Variants in SCEL observed in about 807,000 individuals in gnomAD.
SCEL encodes sciellin.
In SCEL, 113 loss-of-function variants were observed where a neutral mutation model predicts 117.6. That is an observed-to-expected ratio of 0.96 (90% CI 0.83 to 1.12). The LOEUF is 1.12. Among genes scored for constraint, SCEL ranks in the 50% most tolerant of loss-of-function variants. The pLI, the probability that SCEL is intolerant of heterozygous loss-of-function variation, is 0.00. For missense variants in SCEL, 785 were observed against 810.8 expected (o/e 0.97, Z 0.39); for synonymous variants, 270 against 256.2 (o/e 1.05, Z -0.51).
At chr13:77,643,127 C>T (rs758893054) in intron 32 of SCEL, among the ~76,000 whole-genome samples, 68 of 151,976 alleles carry the variant, frequency 4.5e-4, no homozygotes, top group Non-Finnish European at 9.4e-4. Context: ...AGTCCATATT[C>T]GTAAATGACA....
chr13:77,599,221 C>G, intron 13 of SCEL, 108 bp from the exon 14 acceptor site: 2 of 741,814 alleles, frequency 2.7e-6, no homozygotes, highest in Non-Finnish European at 4.4e-6. Flanking sequence ...TCATCTTCCC[C>G]AACAAGCTTC....
chr13:77,554,952 G>A (rs1487236219), intron 1 of SCEL, among the ~76,000 whole-genome samples: 1 of 152,106 alleles, frequency 6.6e-6, no homozygotes, highest in African/African-American at 2.4e-5. Context: ...AAGACCCAGA[G>A]CTAACTAAGG....
At chr13:77,607,976 T>G in intron 19 of SCEL, 80 bp from the exon 20 acceptor site, 47 of 1,130,904 alleles carry the variant, frequency 4.2e-5, no homozygotes, top group Non-Finnish European at 5.3e-5. Flanking sequence ...TGAGTTTTAA[T>G]GAAATAGCTT....
At chr13:77,610,772 A>G (rs777976969) in intron 22 of SCEL, among the ~76,000 whole-genome samples, 7 of 152,186 alleles carry the variant, frequency 4.6e-5, no homozygotes, top group Non-Finnish European at 1.0e-4. Flanking sequence ...TTCTTCCATC[A>G]TGTATTACCT....
At chr13:77,640,622 C>T (rs1241898662) in intron 30 of SCEL, 54 bp from the exon 31 acceptor site, 2 of 828,144 alleles carry the variant, frequency 2.4e-6, no homozygotes, top group Non-Finnish European at 3.8e-6. Flanking sequence ...ATAGGGAATA[C>T]ATCTGTCTTC....
Position 77,644,534 on chromosome 13 carries a change from T to C in SCEL, c.*260T>C, listed in dbSNP as rs559599101. On this transcript the variant is annotated 3_prime_UTR_variant, in exon 33 of 33. Transcript: ENST00000349847. ...ATTCCAGTGTCAAAGGAGTGATGCA[T>C]TACACTCCAGCCAGGTCCATCCCTG... 9 of 410,906 alleles carry C rather than the reference T, an allele frequency of 2.2e-5. No individual in the cohort carries two copies. The highest frequency in any genetic ancestry group is 1.8e-4 in the African/African-American group (9 of 49,472). The allele number at this position is 410,906 out of a possible 1,614,324, so 25.5% of individuals were successfully genotyped here.
chr13:77,604,524 C>A (rs1177454677), intron 19 of SCEL, 109 bp downstream of exon 19: 2 of 802,100 alleles, frequency 2.5e-6, no homozygotes, highest in Non-Finnish European at 1.9e-6. Context: ...CCAAAACAAA[C>A]TGAGCTCTTT....
intron 19 of SCEL, among the ~76,000 whole-genome samples, chr13:77,606,737 C>G (rs1195931840): frequency 6.6e-6 from 1 of 152,132 alleles, no homozygotes; most frequent in Non-Finnish European, 1.5e-5. Flanking sequence ...GAATCAGCAT[C>G]TAGTTGCTTC....
chr13:77,561,933 T>C (rs963063361), intron 4 of SCEL, among the ~76,000 whole-genome samples: 2 of 152,170 alleles, frequency 1.3e-5, no homozygotes, highest in Admixed American at 1.3e-4. Flanking sequence ...AGAGCTGGCA[T>C]GAGTGGGGTC....
intron 9 of SCEL, among the ~76,000 whole-genome samples, chr13:77,585,523 T>C (rs9565357): frequency 0.93 from 142,012 of 152,166 alleles, 66,325 homozygotes; most frequent in South Asian, 0.96. Context: ...GCCAAGCATG[T>C]GCGCGCTCTT....
Position 77,593,535 on chromosome 13 carries a change from C to T in SCEL, c.714C>T (p.Ile238=), listed in dbSNP as rs2087042258. 1.7e-5 allele frequency: 27 copies of T among 1,612,796 alleles called. No homozygotes were observed. Among genetic ancestry groups the T allele is most frequent in the Non-Finnish European group, 2.2e-5 (26 of 1,179,160 alleles). ...GAAGGAGTCAGGATCTTGATAACAT[C>T]GTCAAAGTGGCCACTTCACTTCAGA... is the stretch of plus-strand genomic sequence containing the variant. ...RNIRSQDLDN[I]VKVATSLQRS... The change falls in exon 12 of 33, where the codon ATC becomes ATT. Residue 238 remains isoleucine (I), a synonymous_variant. Transcript: ENST00000349847.
At chr13:77,587,746 C>T (rs1047831569) in intron 9 of SCEL, among the ~76,000 whole-genome samples, 1 of 152,150 alleles carries the variant, frequency 6.6e-6, no homozygotes, top group Non-Finnish European at 1.5e-5. Flanking sequence ...TTCTTGGCCA[C>T]TCCTCCTGAT....
At chr13:77,632,202 C>A (rs958931740) in intron 28 of SCEL, among the ~76,000 whole-genome samples, 4 of 152,206 alleles carry the variant, frequency 2.6e-5, no homozygotes, top group African/African-American at 9.7e-5. Context: ...ACATCTCAGT[C>A]CATAACAGTA....
chr13:77,604,462 G>A (rs376106637), intron 19 of SCEL, 47 bp downstream of exon 19: 13 of 1,446,120 alleles, frequency 9.0e-6, no homozygotes, highest in Non-Finnish European at 1.2e-5. Flanking sequence ...GCATTTAGAA[G>A]GACGTTAGAA....
intron 9 of SCEL, among the ~76,000 whole-genome samples, chr13:77,577,425 A>C (rs2086008680): frequency 6.6e-6 from 1 of 152,090 alleles, no homozygotes; most frequent in African/African-American, 2.4e-5. Context: ...TTATAAAACC[A>C]TCAAACCTCC....
chr13:77,612,456 CTT>C (rs71102764), intron 22 of SCEL, among the ~76,000 whole-genome samples: 4,400 of 91,626 alleles, frequency 0.048, 97 homozygotes, highest in East Asian at 0.18. Flanking sequence ...TTTTTCTTTT[CTT>C]TTTTTTTTTT....
intron 1 of SCEL, among the ~76,000 whole-genome samples, chr13:77,538,505 T>G (rs9574083): frequency 0.36 from 55,257 of 152,004 alleles, 11,237 homozygotes; most frequent in South Asian, 0.49. Flanking sequence ...TCCATGAACT[T>G]GTGATTTTGA....
chr13:77,602,919 T>G, intron 17 of SCEL, 157 bp from the exon 18 acceptor site: 2 of 622,948 alleles, frequency 3.2e-6, no homozygotes, highest in East Asian at 5.6e-5. Context: ...TTAATTAAAC[T>G]ATGTTATTGA....
chr13:77,591,166 C>G (rs1191659928), intron 10 of SCEL, among the ~76,000 whole-genome samples: 1 of 152,030 alleles, frequency 6.6e-6, no homozygotes, highest in East Asian at 1.9e-4. Context: ...ACTTATAAGT[C>G]TAGATAGATC....
Sources: gnomAD v4.1 joint callset for allele counts (sites outside exome capture counted in the v4.1 genomes callset) on GRCh38, gnomAD v4.1.1 for gene constraint, MANE v1.5 for transcripts, NCBI Gene and HGNC (gene_info 2026-07-23, HGNC 2026-07-21) for gene names.